Variants in KLHL13 observed in about 807,000 individuals in gnomAD.
KLHL13 encodes kelch-like protein 13.
A neutral mutation model predicts 37.1 loss-of-function variants in KLHL13; 10 were observed. That is an observed-to-expected ratio of 0.27 (90% CI 0.17 to 0.46). The LOEUF is 0.46. Among genes scored for constraint, KLHL13 ranks in the 20% least tolerant of loss-of-function variants. The pLI is 1.00. For synonymous variants in KLHL13, 163 were observed against 181.2 expected, an observed-to-expected ratio of 0.90 and a Z score of 0.81; for missense variants, 360 against 509.3, an observed-to-expected ratio of 0.71 and a Z score of 2.82.
intron 1 of KLHL13, among the ~76,000 whole-genome samples, chrX:117,999,367 A>C (rs916023891): frequency 9.0e-6 from 1 of 111,577 alleles, no homozygotes; most frequent in African/African-American, 3.3e-5. Context: ...GCAGCCATAA[A>C]AAAGGATGAG....
chrX:117,973,882 A>C, upstream of KLHL13: 8 of 218,555 alleles, frequency 3.7e-5, no homozygotes, highest in Non-Finnish European at 5.0e-5. Context: ...AGGAAAGACC[A>C]ACACTGCTGG....
intron 1 of KLHL13, among the ~76,000 whole-genome samples, chrX:118,058,895 G>A (rs1279019169): frequency 3.6e-5 from 4 of 111,569 alleles, no homozygotes; most frequent in Non-Finnish European, 7.5e-5. Flanking sequence ...CTCAGAGACA[G>A]AATAGATATC....
chrX:117,912,389 T>A (rs941548272), intron 4 of KLHL13, among the ~76,000 whole-genome samples: 5 of 111,981 alleles, frequency 4.5e-5, no homozygotes, highest in African/African-American at 1.6e-4. Context: ...ATTTATAGCA[T>A]GTAAAACAGA....
intron 1 of KLHL13, among the ~76,000 whole-genome samples, chrX:118,008,233 G>A (rs1215894952): frequency 9.0e-6 from 1 of 111,410 alleles, no homozygotes; most frequent in African/African-American, 3.3e-5. Context: ...AAGATGAAAA[G>A]GGGAAAAAAT....
rs139050273 is a variant in KLHL13, at chrX:118,061,458, G to C, written c.-56+55050C>G. The stretch of plus-strand genomic sequence containing the variant: ...AACTGTGTATACTAATACACAGGTA[G>C]TATACGAACTGTGTATACTAATACA... On this transcript the variant is annotated intron_variant, in intron 1 of 6. Coordinates refer to the KLHL13 transcript ENST00000371882. Among the ~76,000 whole-genome samples the C allele has an allele frequency of 1.5e-3, 164 of 111,148 alleles. 2 individuals are homozygous for C. The highest frequency in any genetic ancestry group is 5.1e-3 in the African/African-American group (155 of 30,632).
At chrX:117,999,680 CTT>C (rs1015994173) in intron 1 of KLHL13, among the ~76,000 whole-genome samples, 21 of 109,223 alleles carry the variant, frequency 1.9e-4, no homozygotes, top group African/African-American at 6.8e-4. Context: ...TACCCTAAAA[CTT>C]AAAGTATAAT....
At chrX:117,926,089 T>C (rs181108516) in intron 2 of KLHL13, among the ~76,000 whole-genome samples, 77 of 112,410 alleles carry the variant, frequency 6.8e-4, no homozygotes, top group African/African-American at 2.5e-3. Context: ...TTATATCCTA[T>C]AAATTTATGT....
chrX:118,089,685 G>A (rs1242585700), intron 1 of KLHL13, among the ~76,000 whole-genome samples: 2 of 104,483 alleles, frequency 1.9e-5, no homozygotes, highest in African/African-American at 3.5e-5. Context: ...AAGTTTCAAT[G>A]AGATCCAGAA....
chrX:117,930,086 G>A (rs1009418642), intron 2 of KLHL13, among the ~76,000 whole-genome samples: 1 of 108,096 alleles, frequency 9.3e-6, no homozygotes, highest in South Asian at 4.1e-4. Flanking sequence ...TTTTTCTAGA[G>A]GTTTTATCCA....
chrX:117,908,351 G>A (rs1239425333), intron 5 of KLHL13, among the ~76,000 whole-genome samples: 2 of 108,796 alleles, frequency 1.8e-5, no homozygotes, highest in Non-Finnish European at 3.8e-5. Flanking sequence ...CCATCAACCT[G>A]TCACCTACAT....
chrX:117,960,878 G>A (rs951629549), intron 1 of KLHL13, among the ~76,000 whole-genome samples: 8 of 111,580 alleles, frequency 7.2e-5, no homozygotes, highest in Non-Finnish European at 1.3e-4. Context: ...GAATGATTCC[G>A]CTTGTTGCAT....
At chrX:118,096,169 G>A (rs1327117590) in intron 1 of KLHL13, among the ~76,000 whole-genome samples, 3 of 111,323 alleles carry the variant, frequency 2.7e-5, no homozygotes, top group Non-Finnish European at 3.8e-5. Context: ...CATCAAAATT[G>A]ATAGACTGCT....
chrX:117,951,450 A>C lies in KLHL13; in HGVS notation c.99-5875T>G, dbSNP rs751880308. Reference sequence around the variant, plus strand: ...GCATAAATTAATTGTTGTTTAAAGAATATATCTTCTTAATGAGGTGTTTGC... The same window carrying C: ...GCATAAATTAATTGTTGTTTAAAGACTATATCTTCTTAATGAGGTGTTTGC... On this transcript the variant is annotated intron_variant, in intron 1 of 6. Coordinates refer to ENST00000262820, the Ensembl canonical transcript of KLHL13. 3.6e-5 allele frequency among the ~76,000 whole-genome samples: 4 copies of C among 111,736 alleles called. No individual in the cohort carries two copies. The South Asian group carries it at 1.5e-3, about 42-fold the overall frequency.
At chrX:117,976,873 T>G (rs1251144112), upstream of KLHL13, among the ~76,000 whole-genome samples, 1 of 112,221 alleles carries the variant, frequency 8.9e-6, no homozygotes, top group Non-Finnish European at 1.9e-5. Flanking sequence ...ACTCTTAGAA[T>G]GTAAAAGGAG....
At chrX:117,909,513 G>A (rs866965928) in exon 5 of KLHL13, 9 of 1,209,246 alleles carry the variant, frequency 7.4e-6, no homozygotes, top group Non-Finnish European at 1.0e-5. Flanking sequence ...TCCAATGACG[G>A]CGATGCCATG....
At chrX:117,975,015 A>G (rs956531439), upstream of KLHL13, among the ~76,000 whole-genome samples, 2 of 111,822 alleles carry the variant, frequency 1.8e-5, no homozygotes, top group Admixed American at 1.9e-4. Flanking sequence ...GCCAAAATAT[A>G]TTTAAAAGTT....
intron 1 of KLHL13, among the ~76,000 whole-genome samples, chrX:118,051,231 T>C (rs1243277536): frequency 9.1e-6 from 1 of 109,381 alleles, no homozygotes; most frequent in African/African-American, 3.3e-5. Flanking sequence ...AAAAGATGTA[T>C]GAAAGACATA....
At chrX:117,921,500 T>A (rs1292261524) in intron 2 of KLHL13, among the ~76,000 whole-genome samples, 1 of 111,509 alleles carries the variant, frequency 9.0e-6, no homozygotes, top group African/African-American at 3.3e-5. Flanking sequence ...CAAGATTGAG[T>A]CTGTAGTTTC....
intron 1 of KLHL13, chrX:117,983,621 C>T: frequency 5.0e-6 from 3 of 601,625 alleles, no homozygotes; most frequent in Non-Finnish European, 5.1e-6. Context: ...CAAAGCATAC[C>T]CTGACAGCAT....
Sources: allele counts gnomAD v4.1 joint callset (sites outside exome capture counted in the v4.1 genomes callset), GRCh38; gene constraint gnomAD v4.1.1; transcripts MANE v1.5; gene names NCBI Gene and HGNC (gene_info 2026-07-23, HGNC 2026-07-21).